EIF3B: variants seen among roughly 807,000 people sequenced by gnomAD.
The protein encoded by EIF3B is eukaryotic translation initiation factor 3 subunit B, also known as eukaryotic translation initiation factor 3 subunit 9.
In EIF3B, 10 loss-of-function variants were observed where a neutral mutation model predicts 104.6. The ratio of observed to expected loss-of-function variants is 0.10; its 90% CI spans 0.06 to 0.16. EIF3B has a LOEUF of 0.16. Among genes scored for constraint, EIF3B ranks in the 10% least tolerant of loss-of-function variants. The probability of loss-of-function intolerance (pLI) is 1.00; values close to 1 mark genes in which losing one functional copy is unlikely to be tolerated. For synonymous variants in EIF3B, 542 were observed against 417.2 expected, an observed-to-expected ratio of 1.30 and a Z score of -3.65; for missense variants, 1,014 against 1,087.9, an observed-to-expected ratio of 0.93 and a Z score of 0.96.
rs1288856656 is a variant in EIF3B at position 2,379,395 on chromosome 7, G to C, written c.2343G>C (p.Gly781=). 6.3e-7 allele frequency: 1 copy of C among 1,585,960 alleles called. No homozygotes were observed. Residue 781 remains glycine (G), a splice_region_variant and synonymous_variant, in exon 18 of 19, where the codon GGG becomes GGC. Transcript: ENST00000360876. ...GATCTGCGCCCTTTGTCCCCTCAGG[G>C]GTGGACACTGACGAGCTGGACAGCA... ...QKNERLELRG[G]VDTDELDSNV...
chr7:2,379,338 G>T (rs770977655), intron 17 of EIF3B, 56 bp from the exon 18 acceptor site: 31 of 1,553,820 alleles, frequency 2.0e-5, no homozygotes, highest in Non-Finnish European at 2.5e-5. Context: ...CACTGGCCTC[G>T]GCGGTGCCAC....
intron 2 of EIF3B, among the ~76,000 whole-genome samples, chr7:2,361,464 G>A (rs999218213): frequency 6.6e-6 from 1 of 152,104 alleles, no homozygotes; most frequent in Admixed American, 6.6e-5. Flanking sequence ...CTGTCGCCCA[G>A]GCTGGAGTGC....
At chr7:2,360,403 T>C (rs1330878135) in intron 1 of EIF3B, among the ~76,000 whole-genome samples, 1 of 152,230 alleles carries the variant, frequency 6.6e-6, no homozygotes, top group Non-Finnish European at 1.5e-5. Flanking sequence ...GATGGTCTTC[T>C]TCATTTGCAT....
In EIF3B at chr7:2,366,395, G is replaced by A; in HGVS notation, c.1236G>A (p.Gly412=). The change falls in exon 7 of 19, where the codon GGG becomes GGA. Residue 412 remains glycine (G), a synonymous_variant. Transcript: ENST00000360876. ...TAATCATCTGGGACATCCTTACGGGGCACAAGAAGAGGGGTTTTCACTGTG... is the reference window on the plus strand; with the variant it reads ...TAATCATCTGGGACATCCTTACGGGACACAAGAAGAGGGGTTTTCACTGTG... ...QAIIIWDILT[G]HKKRGFHCES... The A allele has an allele frequency of 6.2e-7, 1 of 1,614,024 alleles. No homozygotes were observed. Among genetic ancestry groups the A allele is most frequent in the South Asian group, 1.1e-5 (1 of 91,062 alleles).
At chr7:2,362,830 G>T in intron 3 of EIF3B, 66 bp downstream of exon 3, 1 of 1,603,526 alleles carries the variant, frequency 6.2e-7, no homozygotes, top group Non-Finnish European at 8.5e-7. Context: ...TGTGCGGGTG[G>T]CTTGGTGCTT....
intron 5 of EIF3B, 40 bp downstream of exon 5, chr7:2,363,800 C>T (rs1467111414): frequency 1.9e-6 from 3 of 1,585,458 alleles, no homozygotes; most frequent in Admixed American, 1.9e-5. Context: ...ACTCACCTCT[C>T]CTGTATTTCC....
intron 1 of EIF3B, among the ~76,000 whole-genome samples, chr7:2,357,758 T>C (rs1224714351): frequency 6.6e-6 from 1 of 152,242 alleles, no homozygotes; most frequent in African/African-American, 2.4e-5. Flanking sequence ...CAAGGCGTTG[T>C]GTCTTCATGG....
Position 2,369,714 on chromosome 7 carries a change from C to T in EIF3B, c.1614+32C>T, listed in dbSNP as rs137910200. On this transcript the variant is annotated intron_variant, in intron 10 of 18. Transcript: ENST00000360876. ...AGATTCCCACAGGAACTGACGATTC[C>T]TTATCCTGAGCTCTGAAGTGGCCAC... 2.1e-4 allele frequency: 337 copies of T among 1,596,404 alleles called. 2 individuals are homozygous for T. The African/African-American group carries it at 4.0e-3, about 19-fold the overall frequency.
chr7:2,364,301 A>C, intron 5 of EIF3B, 71 bp from the exon 6 acceptor site: 1 of 1,370,636 alleles, frequency 7.3e-7, no homozygotes, highest in Non-Finnish European at 9.9e-7. Flanking sequence ...TTGTAGGATA[A>C]ATTCATTGTA....
intron 2 of EIF3B, 90 bp downstream of exon 2, chr7:2,360,992 T>A (rs1779695922): frequency 8.7e-7 from 1 of 1,146,026 alleles, no homozygotes; most frequent in Non-Finnish European, 1.2e-6. Context: ...ACACAGCTCC[T>A]GCCTTGCCCA....
intron 15 of EIF3B, 32 bp downstream of exon 15, chr7:2,377,107 A>G (rs1217852489): frequency 2.5e-6 from 4 of 1,577,028 alleles, no homozygotes; most frequent in African/African-American, 2.7e-5. Flanking sequence ...GGTGCAGGGC[A>G]CATGGAGGCA....
chr7:2,355,555 C>T (rs1779369136), intron 1 of EIF3B, 135 bp downstream of exon 1: 1 of 1,245,798 alleles, frequency 8.0e-7, no homozygotes, highest in Non-Finnish European at 1.1e-6. Flanking sequence ...TCCTGAGAAG[C>T]CACCGAGGGA....
rs1388523311 is a variant in EIF3B, at chr7:2,362,676, C to T, written c.724C>T (p.His242Tyr). ...TTTCCTGGAGTACGCGTCCCCTGCC[C>T]ACGCTGTGGATGCTGTGAAGAACGC... ...YIFLEYASPA[H>Y]AVDAVKNADG... The change falls in exon 3 of 19, where the codon CAC (histidine) becomes TAC (tyrosine). Residue 242 changes from histidine (H) to tyrosine (Y), a missense_variant. His to Tyr is a moderately conservative substitution (Grantham distance 83). Coordinates refer to ENST00000360876, the MANE Select transcript of EIF3B (RefSeq NM_001037283.2). The T allele has an allele frequency of 5.0e-6, 8 of 1,614,264 alleles. No individual in the cohort carries two copies. The highest frequency in any genetic ancestry group is 1.1e-5 in the South Asian group (1 of 91,092).
intron 9 of EIF3B, among the ~76,000 whole-genome samples, chr7:2,368,477 A>G (rs1269878760): frequency 6.6e-6 from 1 of 152,164 alleles, no homozygotes; most frequent in South Asian, 2.1e-4. Flanking sequence ...GGACACAAGG[A>G]TGGAGGCTTG....
rs1300838920 is a variant in EIF3B, at chr7:2,380,221, C to G, written c.*32C>G. 1.0e-5 allele frequency: 4 copies of G among 401,076 alleles called. No homozygotes were observed. The highest frequency in any genetic ancestry group is 2.0e-5 in the Non-Finnish European group (4 of 200,072). 24.8% of individuals were successfully genotyped at this position (401,076 alleles called of 1,614,324 possible). A position where few individuals can be genotyped will look rare whatever the true frequency, so the allele number is the denominator to read the frequency against. On this transcript the variant is annotated 3_prime_UTR_variant, in exon 19 of 19. Transcript: ENST00000360876. The stretch of plus-strand genomic sequence containing the variant: ...CTATCCAGGGGACGGACTCCGCCTG[C>G]TGTTCCCGCGCTGAGCTACAGGACT...
chr7:2,374,497 AG>A, intron 12 of EIF3B, 30 bp from the exon 13 acceptor site: 1 of 1,611,136 alleles, frequency 6.2e-7, no homozygotes, highest in Admixed American at 1.7e-5. Context: ...AAGCCCTCGC[AG>A]CTCGTGACAG....
intron 11 of EIF3B, among the ~76,000 whole-genome samples, chr7:2,372,369 G>C (rs1348033874): frequency 2.0e-5 from 3 of 152,354 alleles, no homozygotes; most frequent in South Asian, 2.1e-4. Flanking sequence ...GGTGCACACT[G>C]GGTGCGAGGG....
chr7:2,365,017 T>C (rs1261453228), intron 6 of EIF3B, among the ~76,000 whole-genome samples: 1 of 152,248 alleles, frequency 6.6e-6, no homozygotes, highest in African/African-American at 2.4e-5. Context: ...AGTGGCACCA[T>C]TGCAGGCTCA....
In EIF3B at chr7:2,360,828, C is replaced by G. The variant is rs770621899; in HGVS notation, c.618C>G (p.Val206=). The change falls in exon 2 of 19, where the codon GTC becomes GTG. Residue 206 remains valine (V), a synonymous_variant. Transcript: ENST00000360876. ...GPDRLEKLKN[V]IHKIFSKFGK... ...ACCGACTTGAGAAACTCAAAAATGT[C>G]ATCCACAAGATCTTTTCCAAGTTTG... is the stretch of plus-strand genomic sequence containing the variant. The G allele has an allele frequency of 6.2e-7, 1 of 1,613,908 alleles. No individual in the cohort carries two copies. The highest frequency in any genetic ancestry group is 1.7e-5 in the Admixed American group (1 of 60,022).
Sources: allele counts gnomAD v4.1 joint callset (sites outside exome capture counted in the v4.1 genomes callset), GRCh38; gene constraint gnomAD v4.1.1; transcripts MANE v1.5; gene names NCBI Gene and HGNC (gene_info 2026-07-23, HGNC 2026-07-21).